The following PTPRQ variants were observed in gnomAD, a reference collection of about 807,000 sequenced individuals.
PTPRQ encodes the protein phosphatidylinositol phosphatase PTPRQ.
PTPRQ carries 199 observed loss-of-function variants against 246.0 expected under a neutral mutation model. The observed-to-expected ratio is 0.81, with a 90% CI of 0.72 to 0.91. PTPRQ has a LOEUF of 0.91. PTPRQ is among the 40% of genes least tolerant of loss of function. The probability of loss-of-function intolerance (pLI) is 0.00; values close to 1 mark genes in which losing one functional copy is unlikely to be tolerated. For missense variants in PTPRQ, 2,624 were observed against 2,528.4 expected (o/e 1.04, Z -0.81); for synonymous variants, 869 against 853.2 (o/e 1.02, Z -0.32).
intron 43 of PTPRQ, among the ~76,000 whole-genome samples, chr12:80,674,386 C>A (rs1901069207): frequency 6.6e-6 from 1 of 152,120 alleles, no homozygotes; most frequent in Non-Finnish European, 1.5e-5. Context: ...ATTTCACTGA[C>A]AATTACAAAG....
intron 35 of PTPRQ, among the ~76,000 whole-genome samples, chr12:80,646,654 T>G (rs1250222862): frequency 1.3e-5 from 2 of 152,106 alleles, no homozygotes; most frequent in East Asian, 3.9e-4. Flanking sequence ...GAATGTTGAG[T>G]GCCCAGGCGA....
intron 25 of PTPRQ, among the ~76,000 whole-genome samples, chr12:80,552,896 T>A (rs1006136307): frequency 6.6e-6 from 1 of 151,828 alleles, no homozygotes; most frequent in Non-Finnish European, 1.5e-5. Context: ...TCTAGACTTA[T>A]GGAGTCAGAA....
chr12:80,641,560 A>T (rs1899856411), intron 35 of PTPRQ, among the ~76,000 whole-genome samples: 1 of 152,234 alleles, frequency 6.6e-6, no homozygotes, highest in Admixed American at 6.5e-5. Context: ...TTAACTTCAG[A>T]TTAACTAGTT....
intron 4 of PTPRQ, among the ~76,000 whole-genome samples, chr12:80,458,884 C>A (rs992504206): frequency 6.6e-6 from 1 of 152,018 alleles, no homozygotes; most frequent in Non-Finnish European, 1.5e-5. Flanking sequence ...TATAAACATT[C>A]CAGAAATCTG....
intron 13 of PTPRQ, 23 bp from the exon 14 acceptor site, chr12:80,496,227 C>CAAATGTTCT: frequency 6.5e-7 from 1 of 1,547,528 alleles, no homozygotes. Flanking sequence ...ATAGGTACTA[C>CAAATGTTCT]AAATGTTCTT....
At chr12:80,623,308 T>A (rs1363234317) in intron 33 of PTPRQ, among the ~76,000 whole-genome samples, 1 of 152,212 alleles carries the variant, frequency 6.6e-6, no homozygotes, top group Non-Finnish European at 1.5e-5. Flanking sequence ...AGAGGGGGCA[T>A]GTAGTTTGCT....
chr12:80,668,609 T>C (rs1414865842), intron 39 of PTPRQ, among the ~76,000 whole-genome samples: 1 of 151,922 alleles, frequency 6.6e-6, no homozygotes, highest in Non-Finnish European at 1.5e-5. Context: ...CTTTCTAAGC[T>C]TCAATATCTT....
intron 25 of PTPRQ, among the ~76,000 whole-genome samples, chr12:80,575,536 G>A (rs1441005107): frequency 2.0e-5 from 3 of 152,006 alleles, no homozygotes; most frequent in African/African-American, 7.2e-5. Flanking sequence ...GAGCTATGAA[G>A]GTACCACTGC....
chr12:80,552,381 G>T (rs1268947976), intron 25 of PTPRQ, among the ~76,000 whole-genome samples: 1 of 151,692 alleles, frequency 6.6e-6, no homozygotes, highest in East Asian at 1.9e-4. Context: ...TTTGAGAACT[G>T]GCAAATAAAA....
intron 25 of PTPRQ, among the ~76,000 whole-genome samples, chr12:80,553,650 T>G (rs895331567): frequency 2.9e-4 from 44 of 152,234 alleles, no homozygotes; most frequent in African/African-American, 1.1e-3. Context: ...ACATGTATCG[T>G]GACGATTGAA....
intron 25 of PTPRQ, among the ~76,000 whole-genome samples, chr12:80,566,077 T>A (rs960841659): frequency 6.6e-6 from 1 of 152,230 alleles, no homozygotes; most frequent in East Asian, 1.9e-4. Context: ...GATACCTTTT[T>A]ATGCAGAATT....
At position 80,495,337 on chromosome 12, in the gene PTPRQ, G is replaced by A. The variant is rs928009656; in HGVS notation, c.1848G>A (p.Gln616=). The change falls in exon 12 of 45, where the codon CAG becomes CAA. Residue 616 remains glutamine, a synonymous_variant. Transcript: ENST00000644991. The part of the protein sequence containing the change: ...AMELDTNRAF[Q]ITTIDNSFLI... ...AATTGGATACAAACAGAGCATTCCA[G>A]ATAACTACCATAGATAACAGCTTTC... 6.5e-7 allele frequency: 1 copy of A among 1,530,284 alleles called. No homozygotes were observed. Among genetic ancestry groups the A allele is most frequent in the Admixed American group, 2.2e-5 (1 of 44,752 alleles). 94.8% of individuals were successfully genotyped at this position (1,530,284 alleles called of 1,614,324 possible). A position where few individuals can be genotyped will look rare whatever the true frequency, so the allele number is the denominator to read the frequency against.
At chr12:80,598,256 A>T (rs1298466814) in intron 26 of PTPRQ, among the ~76,000 whole-genome samples, 1 of 151,984 alleles carries the variant, frequency 6.6e-6, no homozygotes, top group Admixed American at 6.6e-5. Flanking sequence ...AAACACACTT[A>T]ACATCTCATA....
At chr12:80,513,226 T>G (rs1895176664) in intron 17 of PTPRQ, among the ~76,000 whole-genome samples, 1 of 152,212 alleles carries the variant, frequency 6.6e-6, no homozygotes, top group South Asian at 2.1e-4. Context: ...CACGATTTAT[T>G]GAGTGGAGAT....
At chr12:80,511,804 A>G (rs763191377) in intron 17 of PTPRQ, among the ~76,000 whole-genome samples, 2 of 152,200 alleles carry the variant, frequency 1.3e-5, no homozygotes, top group Non-Finnish European at 2.9e-5. Flanking sequence ...GTTGCTGGGG[A>G]TTAGAGAACC....
chr12:80,559,870 TAA>T (rs1896774262), intron 25 of PTPRQ, among the ~76,000 whole-genome samples: 1 of 152,170 alleles, frequency 6.6e-6, no homozygotes, highest in Admixed American at 6.5e-5. Flanking sequence ...TGGTCCTGAA[TAA>T]GTCACAATAT....
At chr12:80,503,944 AT>A (rs57295504) in intron 14 of PTPRQ, among the ~76,000 whole-genome samples, 45,232 of 149,360 alleles carry the variant, frequency 0.3, 8,064 homozygotes, top group African/African-American at 0.5. Flanking sequence ...TATGTAGAAG[AT>A]TTTTTTTTTC....
chr12:80,489,675 A>T (rs1010604705), intron 9 of PTPRQ, among the ~76,000 whole-genome samples: 1 of 151,904 alleles, frequency 6.6e-6, no homozygotes, highest in Non-Finnish European at 1.5e-5. Flanking sequence ...AATTGAGCAT[A>T]ATTATTTTCT....
chr12:80,647,115 AC>A (rs1900101047), intron 35 of PTPRQ, among the ~76,000 whole-genome samples: 1 of 152,182 alleles, frequency 6.6e-6, no homozygotes, highest in African/African-American at 2.4e-5. Flanking sequence ...CTTTTGCAGT[AC>A]CGGCTCAAAT....
Sources: allele counts gnomAD v4.1 joint callset (sites outside exome capture counted in the v4.1 genomes callset), GRCh38; gene constraint gnomAD v4.1.1; transcripts MANE v1.5; gene names NCBI Gene and HGNC (gene_info 2026-07-23, HGNC 2026-07-21).